NOSTRIN: variants seen among roughly 807,000 people sequenced by gnomAD.
The protein encoded by NOSTRIN is nitric oxide synthase trafficking.
Under a neutral mutation model 59.0 loss-of-function variants are expected in NOSTRIN, and 63 were observed. The observed-to-expected ratio is 1.07, with a 90% confidence interval of 0.87 to 1.32. The LOEUF (loss-of-function observed/expected upper bound fraction) is 1.32. Among genes scored for constraint, NOSTRIN ranks in the 40% most tolerant of loss-of-function variants. The pLI is 0.00. For synonymous variants in NOSTRIN, 200 were observed against 165.4 expected (o/e 1.21, Z -1.61); for missense variants, 512 against 473.1 (o/e 1.08, Z -0.76).
intron 7 of NOSTRIN, among the ~76,000 whole-genome samples, chr2:168,838,658 G>T (rs989539755): frequency 6.6e-6 from 1 of 152,032 alleles, no homozygotes; most frequent in Non-Finnish European, 1.5e-5. Flanking sequence ...TTTGCTTTCA[G>T]TGTTGCCTGT....
chr2:168,855,009 A>G (rs1574332842), intron 10 of NOSTRIN, among the ~76,000 whole-genome samples: 1 of 152,332 alleles, frequency 6.6e-6, no homozygotes, highest in East Asian at 1.9e-4. Flanking sequence ...AAAGGACTCT[A>G]ACTTGAACAA....
At chr2:168,797,555 A>G (rs1002515728), upstream of NOSTRIN, among the ~76,000 whole-genome samples, 4 of 152,226 alleles carry the variant, frequency 2.6e-5, no homozygotes, top group African/African-American at 9.7e-5. Flanking sequence ...ATAAAGCTAT[A>G]AGGACTTCCC....
At chr2:168,836,287 C>T (rs528938030) in intron 7 of NOSTRIN, among the ~76,000 whole-genome samples, 67 of 152,280 alleles carry the variant, frequency 4.4e-4, no homozygotes, top group Middle Eastern at 3.4e-3. Flanking sequence ...TGATGTCATG[C>T]AATAATAAAG....
At chr2:168,856,457 C>G in intron 11 of NOSTRIN, 1 of 507,114 alleles carries the variant, frequency 2.0e-6, no homozygotes, top group South Asian at 2.2e-5. Context: ...CACCTGTAAT[C>G]CCAGCTACTC....
chr2:168,792,619 T>TTTTG (rs928915164), intron 2 of NOSTRIN, among the ~76,000 whole-genome samples: 4 of 151,950 alleles, frequency 2.6e-5, no homozygotes, highest in South Asian at 2.1e-4. Context: ...TCAGCTAATT[T>TTTTG]TTTGTTTGTT....
intron 6 of NOSTRIN, among the ~76,000 whole-genome samples, chr2:168,832,256 G>A (rs1017677226): frequency 1.3e-5 from 2 of 152,160 alleles, no homozygotes; most frequent in African/African-American, 2.4e-5. Context: ...ACGATCTGGC[G>A]TGGGAAGCTA....
chr2:168,822,521 TAATA>T (rs1360929085), intron 2 of NOSTRIN, among the ~76,000 whole-genome samples: 2 of 152,228 alleles, frequency 1.3e-5, no homozygotes, highest in African/African-American at 4.8e-5. Context: ...TGAAATAACA[TAATA>T]AATAATTCTA....
upstream of NOSTRIN, among the ~76,000 whole-genome samples, chr2:168,798,479 G>T (rs1381736718): frequency 6.6e-6 from 1 of 152,194 alleles, no homozygotes; most frequent in Non-Finnish European, 1.5e-5. Flanking sequence ...AGCACAAAAT[G>T]TCAAAGTTGG....
intron 1 of NOSTRIN, among the ~76,000 whole-genome samples, chr2:168,805,518 A>C (rs1016777079): frequency 3.3e-5 from 5 of 152,228 alleles, no homozygotes; most frequent in African/African-American, 1.2e-4. Flanking sequence ...GAATCCAATC[A>C]TAAGAAAGTA....
chr2:168,818,434 G>C (rs538549069), intron 2 of NOSTRIN: 2 of 160,002 alleles, frequency 1.2e-5, no homozygotes, highest in Admixed American at 1.3e-4. Context: ...GGGATTAGAG[G>C]TGCAAGTCAC....
chr2:168,825,520 G>C (rs1470526210), intron 3 of NOSTRIN, among the ~76,000 whole-genome samples: 2 of 152,204 alleles, frequency 1.3e-5, no homozygotes, highest in Admixed American at 6.5e-5. Context: ...CTGTTGGACA[G>C]AGTAATAATA....
In NOSTRIN at chr2:168,855,411, A is replaced by G; in HGVS notation, c.915A>G (p.Lys305=). 6.2e-7 allele frequency: 1 copy of G among 1,612,010 alleles called. No individual in the cohort carries two copies. The highest frequency in any genetic ancestry group is 8.5e-7 in the Non-Finnish European group (1 of 1,178,476). ...KERRKSLLKP[K]LLRLQRDIEK... is the part of the protein sequence containing the mutation. ...GACGAAAGTCTTTACTAAAACCAAA[A>G]TTATTGAGACTGCAGAGAGACATTG... The change falls in exon 11 of 16, where the codon AAA becomes AAG. Residue 305 remains lysine (K), a synonymous_variant. Transcript: ENST00000317647.
At chr2:168,835,288 A>G (rs1687655886) in intron 7 of NOSTRIN, among the ~76,000 whole-genome samples, 1 of 152,142 alleles carries the variant, frequency 6.6e-6, no homozygotes, top group Non-Finnish European at 1.5e-5. Context: ...CATGTTGGCC[A>G]GGCTGGTCTC....
intron 2 of NOSTRIN, among the ~76,000 whole-genome samples, chr2:168,816,115 G>A (rs74809037): frequency 0.01 from 1,536 of 152,276 alleles, 25 homozygotes; most frequent in African/African-American, 0.035. Context: ...AAGGCACATG[G>A]CTGAGTGAGA....
Position 168,860,833 on chromosome 2 carries a change from T to G in NOSTRIN, c.1218T>G (p.Phe406Leu), listed in dbSNP as rs745688904. 6.2e-7 allele frequency: 1 copy of G among 1,614,042 alleles called. No homozygotes were observed. Among genetic ancestry groups the G allele is most frequent in the Non-Finnish European group, 8.5e-7 (1 of 1,179,892 alleles). ...GCTATGTGAAAATATCTCGGCCTTT[T>G]TTAATGAAGAGATTAGAGAATATTG... The part of the protein sequence containing the change: ...THSYVKISRP[F>L]LMKRLENIVS... Residue 406 changes from phenylalanine (F) to leucine (L), a missense_variant, in exon 14 of 16, where the codon TTT becomes TTG. Coordinates refer to ENST00000317647, the MANE Select transcript of NOSTRIN (RefSeq NM_001039724.4).
chr2:168,796,508 A>T (rs927647328), upstream of NOSTRIN, among the ~76,000 whole-genome samples: 83 of 152,144 alleles, frequency 5.5e-4, 5 homozygotes, highest in Non-Finnish European at 2.9e-5. Context: ...TATAGCAAAA[A>T]TTCTCTTAGA....
chr2:168,798,809 C>CGATAGATA (rs1491130814), upstream of NOSTRIN, among the ~76,000 whole-genome samples: 2 of 34,456 alleles, frequency 5.8e-5, no homozygotes, highest in African/African-American at 1.7e-4. Flanking sequence ...ATCGATCGAT[C>CGATAGATA]GATCGATAGA....
upstream of NOSTRIN, among the ~76,000 whole-genome samples, chr2:168,794,017 T>G (rs1685420429): frequency 6.6e-6 from 1 of 152,226 alleles, no homozygotes; most frequent in Non-Finnish European, 1.5e-5. Context: ...ATATCATATC[T>G]TCATAATCTG....
At chr2:168,808,960 AACTT>A (rs1686003846) in intron 1 of NOSTRIN, among the ~76,000 whole-genome samples, 1 of 152,228 alleles carries the variant, frequency 6.6e-6, no homozygotes, top group Non-Finnish European at 1.5e-5. Context: ...AAATCTCTAT[AACTT>A]AGGTAGTGAG....
Sources: allele counts gnomAD v4.1 joint callset (sites outside exome capture counted in the v4.1 genomes callset), GRCh38; gene constraint gnomAD v4.1.1; transcripts MANE v1.5; gene names NCBI Gene and HGNC (gene_info 2026-07-23, HGNC 2026-07-21).